SAMD3: variants seen among roughly 807,000 people sequenced by gnomAD.
The protein encoded by SAMD3 is sterile alpha motif domain-containing protein 3.
In SAMD3, 63 loss-of-function variants were observed where a neutral mutation model predicts 58.5. The ratio of observed to expected loss-of-function variants is 1.08; its 90% CI spans 0.88 to 1.33. The LOEUF (loss-of-function observed/expected upper bound fraction) is 1.33, where lower values mean the gene tolerates loss of function less well. Among genes scored for constraint, SAMD3 ranks in the 40% most tolerant of loss-of-function variants. The pLI is 0.00. For missense variants in SAMD3, 604 were observed against 608.4 expected (o/e 0.99, Z 0.08); for synonymous variants, 220 against 210.3 (o/e 1.05, Z -0.40).
chr6:130,215,738 G>T lies in SAMD3; in HGVS notation c.-21-444C>A, dbSNP rs989165205. 4.4e-5 allele frequency: 66 copies of T among 1,501,220 alleles called. No individual in the cohort carries two copies. The African/African-American group carries it at 8.7e-4, about 20-fold the overall frequency. 93.0% of individuals were successfully genotyped at this position (1,501,220 alleles called of 1,614,324 possible). On this transcript the variant is annotated intron_variant, in intron 2 of 11. Coordinates refer to ENST00000439090, the MANE Select transcript of SAMD3 (RefSeq NM_001017373.4). ...CAGGAGAGGAAGGGAGGAAGGATCAGATAAAAGCCTGACAGAGATACTTAG... is the reference window on the plus strand; with the variant it reads ...CAGGAGAGGAAGGGAGGAAGGATCATATAAAAGCCTGACAGAGATACTTAG...
At chr6:130,214,206 G>T (rs1417950236) in intron 4 of SAMD3, 131 bp downstream of exon 4, 36 of 661,976 alleles carry the variant, frequency 5.4e-5, no homozygotes, top group Non-Finnish European at 7.5e-5. Flanking sequence ...TCAAATATTA[G>T]AAATACCGTA....
chr6:130,316,332 T>C (rs1247692059), intron 1 of SAMD3, among the ~76,000 whole-genome samples: 1 of 90,968 alleles, frequency 1.1e-5, no homozygotes, highest in African/African-American at 4.1e-5. Context: ...TTAGGAAGAG[T>C]GAAAGGAAGG....
In SAMD3 at chr6:130,238,524, G is replaced by T. The variant is rs190345573; in HGVS notation, c.-187-15711C>A. Among the ~76,000 whole-genome samples, 411 of 151,922 alleles carry T rather than the reference G, an allele frequency of 2.7e-3. 4 individuals are homozygous for T. Among genetic ancestry groups the T allele is most frequent in the African/African-American group, 9.5e-3 (394 of 41,450 alleles). ...AAGGGAGAAAGAAAATTGTCTCTTGGCATTTGTGAAGAATGATCAAAAGAA... is the reference window on the plus strand; with the variant it reads ...AAGGGAGAAAGAAAATTGTCTCTTGTCATTTGTGAAGAATGATCAAAAGAA... On this transcript the variant is annotated intron_variant, in intron 2 of 13. Coordinates refer to the SAMD3 transcript ENST00000368134.
intron 2 of SAMD3, 91 bp from the exon 3 acceptor site, chr6:130,215,385 A>G: frequency 8.0e-7 from 1 of 1,254,524 alleles, no homozygotes; most frequent in South Asian, 1.9e-5. Flanking sequence ...CCTTTGCTAG[A>G]CTCCTTTATC....
At chr6:130,145,294 T>C (rs1250037482) in intron 11 of SAMD3, 46 bp downstream of exon 11, 1 of 872,076 alleles carries the variant, frequency 1.1e-6, no homozygotes, top group Non-Finnish European at 1.7e-6. Flanking sequence ...AATAATCGCA[T>C]GAAGATGTAA....
At chr6:130,179,435 T>C (rs1390026242) in intron 7 of SAMD3, among the ~76,000 whole-genome samples, 2 of 152,108 alleles carry the variant, frequency 1.3e-5, no homozygotes, top group South Asian at 2.1e-4. Context: ...AAAATGGCCC[T>C]GAAATTGCAG....
In SAMD3 at chr6:130,144,799, T is replaced by C. The variant is rs1392253600; in HGVS notation, c.1284A>G (p.Gln428=). The C allele has an allele frequency of 2.5e-6, 4 of 1,606,144 alleles. No individual in the cohort carries two copies. In the South Asian group the frequency reaches 4.5e-5, roughly 18 times the overall value. Residue 428 remains glutamine (Q), a synonymous_variant, in exon 12 of 12, where the codon CAA becomes CAG. Coordinates refer to ENST00000439090, the MANE Select transcript of SAMD3 (RefSeq NM_001017373.4). ...TAACTTCCAACACAGGTGTGGACACTTGCACCTGAAAAAAAGAGTGGAGTC... is the reference window on the plus strand; with the variant it reads ...TAACTTCCAACACAGGTGTGGACACCTGCACCTGAAAAAAAGAGTGGAGTC... The part of the protein sequence containing the change: ...SLFVIMNEQV[Q]VSTPVLEVKN...
chr6:130,319,436 G>A (rs1178095098), intron 1 of SAMD3, among the ~76,000 whole-genome samples: 1 of 150,836 alleles, frequency 6.6e-6, no homozygotes, highest in Non-Finnish European at 1.5e-5. Context: ...AAGACAAGGA[G>A]GAGAGCAGAG....
intron 8 of SAMD3, among the ~76,000 whole-genome samples, chr6:130,163,779 TCCAAAGAAA>T (rs140983278): frequency 0.013 from 2,027 of 152,256 alleles, 44 homozygotes; most frequent in African/African-American, 0.046. Flanking sequence ...GTAAGATAAA[TCCAAAGAAA>T]CTTAGTAAAT....
intron 8 of SAMD3, among the ~76,000 whole-genome samples, chr6:130,165,566 A>T (rs1790661038): frequency 6.6e-6 from 1 of 152,200 alleles, no homozygotes. Flanking sequence ...TTTTCAAAGT[A>T]GTTGAAAAGA....
chr6:130,181,905 A>G (rs903370479), intron 7 of SAMD3, among the ~76,000 whole-genome samples: 6 of 152,074 alleles, frequency 3.9e-5, no homozygotes, highest in African/African-American at 1.2e-4. Context: ...GTCTACTAAA[A>G]ATACAACAAA....
chr6:130,192,802 C>T (rs562122676), intron 5 of SAMD3, among the ~76,000 whole-genome samples: 10 of 152,334 alleles, frequency 6.6e-5, no homozygotes, highest in South Asian at 2.1e-4. Flanking sequence ...GATCCACCTA[C>T]GACCTCAGGT....
intron 2 of SAMD3, among the ~76,000 whole-genome samples, chr6:130,271,891 T>C (rs1774576677): frequency 6.6e-6 from 1 of 152,188 alleles, no homozygotes; most frequent in Non-Finnish European, 1.5e-5. Context: ...ATGAGACTTA[T>C]TCACTATCAT....
At chr6:130,232,546 A>C (rs1796576357) in intron 2 of SAMD3, among the ~76,000 whole-genome samples, 1 of 152,202 alleles carries the variant, frequency 6.6e-6, no homozygotes, top group Non-Finnish European at 1.5e-5. Flanking sequence ...CACAATTTGA[A>C]ACACTATGTT....
intron 2 of SAMD3, among the ~76,000 whole-genome samples, chr6:130,269,596 TTC>T (rs1554269110): frequency 6.6e-6 from 1 of 152,150 alleles, no homozygotes; most frequent in African/African-American, 2.4e-5. Context: ...AATATGTGTC[TTC>T]TCTCTTTTTC....
chr6:130,312,217 C>G (rs149623172), intron 2 of SAMD3, among the ~76,000 whole-genome samples: 99 of 152,228 alleles, frequency 6.5e-4, no homozygotes, highest in African/African-American at 2.4e-3. Context: ...ATTGAGACTT[C>G]GTTTTGTGAC....
chr6:130,356,223 G>A (rs914283829), intron 1 of SAMD3, among the ~76,000 whole-genome samples: 1 of 152,024 alleles, frequency 6.6e-6, no homozygotes, highest in African/African-American at 2.4e-5. Context: ...TCATCAATCA[G>A]TATTCACCCT....
intron 1 of SAMD3, among the ~76,000 whole-genome samples, chr6:130,216,841 A>T (rs953637903): frequency 1.3e-5 from 2 of 152,206 alleles, no homozygotes; most frequent in African/African-American, 4.8e-5. Context: ...TCTGGTGTAA[A>T]TTAAAAATCA....
At chr6:130,208,741 A>G (rs1012438458) in intron 5 of SAMD3, among the ~76,000 whole-genome samples, 5 of 152,090 alleles carry the variant, frequency 3.3e-5, no homozygotes, top group African/African-American at 1.2e-4. Flanking sequence ...ATTTTATTAT[A>G]TATTAGAATA....
Sources: gnomAD v4.1 joint callset for allele counts (sites outside exome capture counted in the v4.1 genomes callset) on GRCh38, gnomAD v4.1.1 for gene constraint, MANE v1.5 for transcripts, NCBI Gene and HGNC (gene_info 2026-07-23, HGNC 2026-07-21) for gene names.